Variants in GPBP1 observed in about 807,000 individuals in gnomAD.
The protein encoded by GPBP1 is vasculin.
A neutral mutation model predicts 56.5 loss-of-function variants in GPBP1; 13 were observed. The observed-to-expected ratio is 0.23, with a 90% confidence interval of 0.15 to 0.37. GPBP1 has a LOEUF of 0.37. GPBP1 is among the 10% of genes least tolerant of loss of function. The pLI, the probability that GPBP1 is intolerant of heterozygous loss-of-function variation, is 1.00. For synonymous variants in GPBP1, 204 were observed against 188.9 expected (o/e 1.08, Z -0.66); for missense variants, 477 against 572.3 (o/e 0.83, Z 1.70).
chr5:57,256,468 T>A (rs1395361002), intron 10 of GPBP1, among the ~76,000 whole-genome samples: 1 of 151,844 alleles, frequency 6.6e-6, no homozygotes, highest in Non-Finnish European at 1.5e-5. Context: ...TCTTTTATAT[T>A]TAGGTTACTT....
chr5:57,203,908 A>C (rs1755121876), intron 2 of GPBP1, among the ~76,000 whole-genome samples: 1 of 152,208 alleles, frequency 6.6e-6, no homozygotes, highest in African/African-American at 2.4e-5. Flanking sequence ...AAAATAGGGA[A>C]GCAATAGAAT....
chr5:57,210,717 T>C (rs976564822), intron 2 of GPBP1, among the ~76,000 whole-genome samples: 1 of 152,186 alleles, frequency 6.6e-6, no homozygotes, highest in Non-Finnish European at 1.5e-5. Flanking sequence ...ATTTATTTTC[T>C]CAGTTTTGGA....
At chr5:57,260,857 G>A (rs1356234650) in intron 10 of GPBP1, among the ~76,000 whole-genome samples, 1 of 152,124 alleles carries the variant, frequency 6.6e-6, no homozygotes, top group African/African-American at 2.4e-5. Flanking sequence ...AGAAAAAGAG[G>A]AGTGATATTG....
chr5:57,217,083 A>C (rs2111778737), intron 3 of GPBP1, among the ~76,000 whole-genome samples: 1 of 152,304 alleles, frequency 6.6e-6, no homozygotes, highest in East Asian at 1.9e-4. Context: ...GCTAAGAATA[A>C]ATTTTTGAAG....
intron 3 of GPBP1, among the ~76,000 whole-genome samples, chr5:57,225,326 C>A (rs1388452473): frequency 6.6e-6 from 1 of 151,710 alleles, no homozygotes; most frequent in African/African-American, 2.4e-5. Flanking sequence ...AACCCCGTCT[C>A]TACTAAAAAT....
intron 10 of GPBP1, among the ~76,000 whole-genome samples, chr5:57,251,929 T>G (rs1561375462): frequency 6.6e-6 from 1 of 152,230 alleles, no homozygotes; most frequent in Non-Finnish European, 1.5e-5. Flanking sequence ...TGAGTATCTT[T>G]TTATGTGCTT....
chr5:57,239,496 A>G (rs1740716819), intron 6 of GPBP1, among the ~76,000 whole-genome samples: 1 of 152,178 alleles, frequency 6.6e-6, no homozygotes, highest in Non-Finnish European at 1.5e-5. Flanking sequence ...GACGTTAAAA[A>G]CCAGCTGGGC....
At chr5:57,205,582 CTTT>C (rs56406653) in intron 2 of GPBP1, among the ~76,000 whole-genome samples, 2 of 138,204 alleles carry the variant, frequency 1.4e-5, no homozygotes, top group Non-Finnish European at 3.1e-5. Flanking sequence ...TTTATTTCCT[CTTT>C]TTTTTTTTTT....
chr5:57,246,545 G>C (rs938596259), intron 7 of GPBP1, 61 bp downstream of exon 7: 2 of 1,371,984 alleles, frequency 1.5e-6, no homozygotes, highest in South Asian at 1.3e-5. Flanking sequence ...TGTCCTATGG[G>C]GGGAAATGTT....
chr5:57,194,607 C>G (rs1241199250), intron 2 of GPBP1, among the ~76,000 whole-genome samples: 1 of 152,070 alleles, frequency 6.6e-6, no homozygotes. Context: ...CTACCAAATA[C>G]TAGATCTTAT....
chr5:57,208,808 C>A (rs111273502), intron 2 of GPBP1, among the ~76,000 whole-genome samples: 1,956 of 151,940 alleles, frequency 0.013, 42 homozygotes, highest in African/African-American at 0.044. Flanking sequence ...AGGTGCCTGC[C>A]TCCATGCCCA....
chr5:57,181,601 AGGT>A (rs1754052593), intron 2 of GPBP1, among the ~76,000 whole-genome samples: 1 of 144,280 alleles, frequency 6.9e-6, no homozygotes, highest in African/African-American at 2.6e-5. Context: ...TTTAAAAAAA[AGGT>A]GGGGGGGCGG....
Position 57,175,733 on chromosome 5 carries a change from C to CA in GPBP1, c.-724dup, listed in dbSNP as rs1349995874. The CA allele has an allele frequency of 5.0e-6, 2 of 396,522 alleles. No homozygotes were observed. The highest frequency in any genetic ancestry group is 4.1e-5 in the African/African-American group (2 of 48,596). 24.6% of individuals were successfully genotyped at this position (396,522 alleles called of 1,614,324 possible). A position where few individuals can be genotyped will look rare whatever the true frequency, so the allele number is the denominator to read the frequency against. ...TGGTAATTTTTGCCTCCCCTTCCCCCACCCCGTTGTTGGGGTTCTTCAGCC... is the reference window on the plus strand; with the variant it reads ...TGGTAATTTTTGCCTCCCCTTCCCCCAACCCCGTTGTTGGGGTTCTTCAGCC... On this transcript the variant is annotated 5_prime_UTR_variant, in exon 2 of 12. Coordinates refer to ENST00000506184, the MANE Select transcript of GPBP1 (RefSeq NM_022913.4).
At chr5:57,247,037 T>C (rs759150855) in intron 7 of GPBP1, 38 bp from the exon 8 acceptor site, 23 of 1,578,914 alleles carry the variant, frequency 1.5e-5, no homozygotes, top group African/African-American at 2.7e-5. Flanking sequence ...CTGTAACCTG[T>C]TTTTGATAGC....
intron 2 of GPBP1, among the ~76,000 whole-genome samples, chr5:57,203,441 G>GC (rs1755101967): frequency 6.6e-6 from 1 of 152,116 alleles, no homozygotes; most frequent in Non-Finnish European, 1.5e-5. Context: ...TTTGAGACCA[G>GC]CCTGGGCAAC....
chr5:57,197,148 A>G (rs1402883248), intron 2 of GPBP1, among the ~76,000 whole-genome samples: 1 of 152,070 alleles, frequency 6.6e-6, no homozygotes, highest in Non-Finnish European at 1.5e-5. Context: ...TCCTGACCTC[A>G]AGTGATCCTC....
chr5:57,177,622 C>A (rs1054931450), intron 2 of GPBP1, among the ~76,000 whole-genome samples: 3 of 149,972 alleles, frequency 2.0e-5, no homozygotes, highest in Non-Finnish European at 4.4e-5. Context: ...TACAGGTGCC[C>A]GCCACCACGC....
At position 57,182,589 on chromosome 5, in the gene GPBP1, T is replaced by C. The variant is rs946660510; in HGVS notation, c.-58+6189T>C. ...GGTTTCACCATGTTGGCCAGGCTGGTCTTGAACTCCTGACCTCGTGATCCA... is the reference window on the plus strand; with the variant it reads ...GGTTTCACCATGTTGGCCAGGCTGGCCTTGAACTCCTGACCTCGTGATCCA... On this transcript the variant is annotated intron_variant, in intron 2 of 11. Coordinates refer to ENST00000506184, the MANE Select transcript of GPBP1 (RefSeq NM_022913.4). Among the ~76,000 whole-genome samples the C allele has an allele frequency of 1.2e-4, 19 of 152,112 alleles. No individual in the cohort carries two copies. In the East Asian group the frequency reaches 3.7e-3, roughly 29 times the overall value.
chr5:57,207,145 TAAG>T (rs1755266821), intron 2 of GPBP1, among the ~76,000 whole-genome samples: 1 of 142,742 alleles, frequency 7.0e-6, no homozygotes, highest in African/African-American at 2.6e-5. Flanking sequence ...ATATTTTTCC[TAAG>T]AAGATCTACA....
Sources: allele counts gnomAD v4.1 joint callset (sites outside exome capture counted in the v4.1 genomes callset), GRCh38; gene constraint gnomAD v4.1.1; transcripts MANE v1.5; gene names NCBI Gene and HGNC (gene_info 2026-07-23, HGNC 2026-07-21).